MEI1: variants seen among roughly 807,000 people sequenced by gnomAD.
The protein encoded by MEI1 is meiotic double-stranded break formation protein 1, also known as meiosis inhibitor protein 1.
In MEI1, 103 loss-of-function variants were observed where a neutral mutation model predicts 146.2. The ratio of observed to expected loss-of-function variants is 0.70; its 90% CI spans 0.60 to 0.83. The LOEUF (loss-of-function observed/expected upper bound fraction) is 0.83. MEI1 is among the 40% of genes least tolerant of loss of function. The pLI, the probability that MEI1 is intolerant of heterozygous loss-of-function variation, is 0.00. For missense variants in MEI1, 1,529 were observed against 1,533.0 expected (o/e 1.00, Z 0.04); for synonymous variants, 652 against 628.2 (o/e 1.04, Z -0.57).
chr22:41,776,012 T>C (rs887416946), intron 20 of MEI1, 90 bp from the exon 21 acceptor site: 20 of 1,320,666 alleles, frequency 1.5e-5, no homozygotes, highest in Non-Finnish European at 2.0e-5. Flanking sequence ...ATCATAATTA[T>C]GGGCCCTTTT....
intron 22 of MEI1, 101 bp from the exon 23 acceptor site, chr22:41,781,183 C>T: frequency 1.3e-6 from 1 of 784,910 alleles, no homozygotes; most frequent in South Asian, 1.5e-5. Flanking sequence ...TTTGTGCTTG[C>T]TCCCCAAGAC....
rs773318620 is a variant in MEI1, at chr22:41,699,697, G to A, written c.159G>A (p.Pro53=). The A allele has an allele frequency of 1.8e-5, 29 of 1,580,892 alleles. 1 individual carries two copies. In the South Asian group the frequency reaches 2.3e-4, roughly 12 times the overall value. The change falls in exon 1 of 31, where the codon CCG becomes CCA. Residue 53 remains proline (P), a synonymous_variant. Coordinates refer to ENST00000401548, the MANE Select transcript of MEI1 (RefSeq NM_152513.4). ...TGGCCTGCGCGCTGGAGCTGCTGCC[G>A]GACCCCGGCGTGTCGGTGCGGGCGG... ...LCLACALELL[P]DPGVSLVRKK...
At chr22:41,719,123 C>T (rs1043762753) in intron 6 of MEI1, among the ~76,000 whole-genome samples, 2 of 151,956 alleles carry the variant, frequency 1.3e-5, no homozygotes, top group Non-Finnish European at 2.9e-5. Context: ...GCTGGGACTA[C>T]AGGCGCCTGC....
At chr22:41,722,672 C>G (rs909473789) in intron 6 of MEI1, among the ~76,000 whole-genome samples, 2 of 152,068 alleles carry the variant, frequency 1.3e-5, no homozygotes, top group Non-Finnish European at 2.9e-5. Context: ...GAAGTTGGCT[C>G]ACATCCAACT....
At position 41,795,433 on chromosome 22, in the gene MEI1, G is replaced by C. The variant is rs754079589; in HGVS notation, c.3557G>C (p.Ser1186Thr). ...CAGTTTATGCGGTACCGGAGTAGCA[G>C]TGTCCTCTCTCATGAAGAGGTGGGT... ...MTLFMRYRSS[S>T]VLSHEEVGDV... is the part of the protein sequence containing the mutation. The change falls in exon 29 of 31, where the codon AGT (serine) becomes ACT (threonine). Residue 1186 changes from serine to threonine, a missense_variant. By Grantham distance (58) the Ser-to-Thr change is moderately conservative (BLOSUM62 1). This residue lies in a region of MEI1 where 313 missense variants were observed against 337.3 expected (regional missense o/e 0.93). Coordinates refer to ENST00000401548, the MANE Select transcript of MEI1 (RefSeq NM_152513.4). This position sits in a 1 kb window ranked among gnomAD's most constrained non-coding sequence, Gnocchi z 4.2. The C allele has an allele frequency of 1.4e-5, 22 of 1,613,824 alleles. No individual in the cohort carries two copies. The South Asian group carries it at 2.3e-4, about 17-fold the overall frequency.
Position 41,770,749 on chromosome 22 carries a change from C to CA in MEI1, c.2333dup (p.His778GlnfsTer18). ...CCCAGACCTGCAGCTAGTCTATACT[C>CA]ACCATCCGCTCCTGCTCAGGTTCTT... On this transcript the variant is annotated frameshift_variant, in exon 20 of 31. Transcript: ENST00000401548. LOFTEE classifies it high-confidence loss of function. 6.2e-7 allele frequency: 1 copy of CA among 1,613,906 alleles called. No individual in the cohort carries two copies. Among genetic ancestry groups the CA allele is most frequent in the Non-Finnish European group, 8.5e-7 (1 of 1,179,848 alleles).
At chr22:41,699,826 G>A (rs978169474) in intron 1 of MEI1, 114 bp downstream of exon 1, 4 of 1,305,326 alleles carry the variant, frequency 3.1e-6, no homozygotes, top group South Asian at 1.5e-5. Context: ...CCGGGCCCCC[G>A]CGCTGTGTTC....
At chr22:41,747,703 CAAAG>C (rs1286810003) in intron 14 of MEI1, among the ~76,000 whole-genome samples, 2 of 150,138 alleles carry the variant, frequency 1.3e-5, no homozygotes, top group African/African-American at 2.5e-5. Flanking sequence ...GACTCCGTCT[CAAAG>C]AATAAAAAAA....
At chr22:41,701,956 G>A (rs2068747055) in intron 1 of MEI1, among the ~76,000 whole-genome samples, 1 of 152,174 alleles carries the variant, frequency 6.6e-6, no homozygotes, top group Admixed American at 6.5e-5. Context: ...TACTTGAAGA[G>A]TTTGAAACCC....
chr22:41,774,789 A>G (rs1290353135), intron 20 of MEI1, among the ~76,000 whole-genome samples: 3 of 152,244 alleles, frequency 2.0e-5, no homozygotes, highest in African/African-American at 7.2e-5. Flanking sequence ...CTGTATAAAC[A>G]CAACATAGTA....
intron 10 of MEI1, 34 bp from the exon 11 acceptor site, chr22:41,732,435 T>A (rs2071947580): frequency 6.2e-7 from 1 of 1,612,746 alleles, no homozygotes; most frequent in Non-Finnish European, 8.5e-7. Flanking sequence ...GTGAGAAGAG[T>A]TCACCTACTC....
intron 19 of MEI1, among the ~76,000 whole-genome samples, chr22:41,766,708 G>A (rs1384458418): frequency 6.6e-6 from 1 of 152,028 alleles, no homozygotes; most frequent in East Asian, 1.9e-4. Context: ...CACTGCATAT[G>A]CCTGGCTAAT....
chr22:41,752,194 A>G (rs2073806785), intron 15 of MEI1, among the ~76,000 whole-genome samples: 1 of 152,224 alleles, frequency 6.6e-6, no homozygotes, highest in African/African-American at 2.4e-5. Context: ...CTGAAACTGG[A>G]TTGTTTTCTA....
In MEI1 at chr22:41,729,739, A is replaced by G. The variant is rs2071687919; in HGVS notation, c.939A>G (p.Pro313=). ...TAACTGCGGTGCTTGTCCACTCCCCAGCAAAGCATGCGTCAGCCTTCATCC... is the reference window on the plus strand; with the variant it reads ...TAACTGCGGTGCTTGTCCACTCCCCGGCAAAGCATGCGTCAGCCTTCATCC... ...HCITAVLVHS[P]AKHASAFIHA... is the part of the protein sequence containing the mutation. The change falls in exon 8 of 31, where the codon CCA becomes CCG. Residue 313 remains proline (P), a synonymous_variant. Coordinates refer to ENST00000401548, the MANE Select transcript of MEI1 (RefSeq NM_152513.4). 1.9e-6 allele frequency: 3 copies of G among 1,611,798 alleles called. No homozygotes were observed. Among genetic ancestry groups the G allele is most frequent in the South Asian group, 1.1e-5 (1 of 90,370 alleles).
chr22:41,720,732 G>C (rs1300207836), intron 6 of MEI1, among the ~76,000 whole-genome samples: 1 of 151,736 alleles, frequency 6.6e-6, no homozygotes, highest in East Asian at 1.9e-4. Context: ...GAGTAGCTGA[G>C]ATTACAGGCG....
At chr22:41,790,938 C>T (rs2076159326) in intron 26 of MEI1, among the ~76,000 whole-genome samples, 1 of 152,172 alleles carries the variant, frequency 6.6e-6, no homozygotes, top group African/African-American at 2.4e-5. Flanking sequence ...TCAGAGGAGG[C>T]TTCACAGAGA....
rs997638249 is a variant in MEI1 at position 41,799,152 on chromosome 22, G to C, written c.3780-102G>C. The stretch of plus-strand genomic sequence containing the variant: ...TCCCACTATTCTCAGGAGCACTTCT[G>C]TTCTTGCCTGACCATTCTTGACTGT... On this transcript the variant is annotated intron_variant, in intron 30 of 30. Transcript: ENST00000401548. The C allele has an allele frequency of 1.8e-5, 20 of 1,102,888 alleles. No individual in the cohort carries two copies. In the African/African-American group the frequency reaches 2.8e-4, roughly 15 times the overall value. The allele number at this position is 1,102,888 out of a possible 1,614,324, so 68.3% of individuals were successfully genotyped here.
At chr22:41,752,472 A>G (rs2073823756) in intron 15 of MEI1, 119 bp from the exon 16 acceptor site, 1 of 911,650 alleles carries the variant, frequency 1.1e-6, no homozygotes, top group Non-Finnish European at 1.8e-6. Flanking sequence ...GGTGGAGTAC[A>G]TTTTGAACCA....
At chr22:41,784,192 G>C (rs994840192) in intron 24 of MEI1, 147 bp from the exon 25 acceptor site, 4 of 669,660 alleles carry the variant, frequency 6.0e-6, no homozygotes, top group Non-Finnish European at 2.5e-6. Context: ...GGCTGGTGCA[G>C]CTTGGAGGAC....
Sources: allele counts gnomAD v4.1 joint callset (sites outside exome capture counted in the v4.1 genomes callset), GRCh38; gene constraint gnomAD v4.1.1; regional missense constraint gnomAD v4.1.1; non-coding constraint Gnocchi (gnomAD v3.1); transcripts MANE v1.5; gene names NCBI Gene and HGNC (gene_info 2026-07-23, HGNC 2026-07-21).